The following ACSM1 variants were observed in gnomAD, a reference collection of about 807,000 sequenced individuals.
The protein encoded by ACSM1 is acyl-coenzyme A synthetase ACSM1, mitochondrial.
ACSM1 carries 79 observed loss-of-function variants against 75.8 expected under a neutral mutation model. The ratio of observed to expected loss-of-function variants is 1.04; its 90% CI spans 0.87 to 1.26. The LOEUF (loss-of-function observed/expected upper bound fraction) is 1.26. Among genes scored for constraint, ACSM1 ranks in the 50% most tolerant of loss-of-function variants. The pLI is 0.00. For missense variants in ACSM1, 676 were observed against 720.1 expected (o/e 0.94, Z 0.70); for synonymous variants, 279 against 265.8 (o/e 1.05, Z -0.48).
chr16:20,632,949 G>A (rs1004759584), intron 10 of ACSM1, among the ~76,000 whole-genome samples: 1 of 152,180 alleles, frequency 6.6e-6, no homozygotes, highest in Non-Finnish European at 1.5e-5. Flanking sequence ...AGTTGAGGCA[G>A]AGAAAGCACT....
At chr16:20,639,101 T>G (rs1008226350) in intron 8 of ACSM1, among the ~76,000 whole-genome samples, 3 of 152,188 alleles carry the variant, frequency 2.0e-5, no homozygotes, top group Admixed American at 6.5e-5. Context: ...ATCCTTTATG[T>G]GCTAGAGGGA....
chr16:20,683,646 C>T (rs1379862552), intron 3 of ACSM1, among the ~76,000 whole-genome samples: 2 of 136,868 alleles, frequency 1.5e-5, no homozygotes, highest in Non-Finnish European at 1.5e-5. Flanking sequence ...CAGCTCAAGT[C>T]TTTTTTTTTT....
At position 20,663,704 on chromosome 16, in the gene ACSM1, G is replaced by C. The variant is rs163272; in HGVS notation, c.913-1831C>G. 5.5e-3 allele frequency among the ~76,000 whole-genome samples: 835 copies of C among 152,288 alleles called. 6 individuals are homozygous for C. The highest frequency in any genetic ancestry group is 0.018 in the African/African-American group (746 of 41,554). On this transcript the variant is annotated intron_variant, in intron 6 of 13. Transcript: ENST00000520010. The stretch of plus-strand genomic sequence containing the variant: ...GGAAGCACATCTATAGAGAAAAGCA[G>C]AGGAGACACTGAAGCTGCCTTAATT...
rs35507753 is a variant in ACSM1, at chr16:20,693,169, CAA to C, written c.-51-1932_-51-1931del. 2.3e-3 allele frequency among the ~76,000 whole-genome samples: 263 copies of C among 114,490 alleles called. 1 individual carries two copies. Among genetic ancestry groups the C allele is most frequent in the African/African-American group, 7.3e-3 (221 of 30,300 alleles). 75.1% of individuals were successfully genotyped at this position (114,490 alleles called of 152,430 possible). ...TGGGCAACAGAGCAAAATTCCGTCTCAAAAAAAAAAAAAAAAATTCAGATCTT... is the reference window on the plus strand; with the variant it reads ...TGGGCAACAGAGCAAAATTCCGTCTCAAAAAAAAAAAAAAATTCAGATCTT... On this transcript the variant is annotated intron_variant, in intron 1 of 13. Coordinates refer to ENST00000520010, the MANE Select transcript of ACSM1 (RefSeq NM_001318890.3).
intron 10 of ACSM1, among the ~76,000 whole-genome samples, chr16:20,627,881 T>TATAC (rs2017073090): frequency 1.2e-4 from 1 of 8,124 alleles, no homozygotes; most frequent in Admixed American, 1.3e-3. Flanking sequence ...TATATATATA[T>TATAC]ATATATATAT....
At chr16:20,674,067 T>C (rs1282772927) in intron 4 of ACSM1, 2 of 442,932 alleles carry the variant, frequency 4.5e-6, no homozygotes, top group Non-Finnish European at 9.1e-6. Context: ...GCTGCTTGTC[T>C]CTCACCACTT....
At chr16:20,673,298 G>C (rs1325045882) in intron 4 of ACSM1, among the ~76,000 whole-genome samples, 1 of 151,810 alleles carries the variant, frequency 6.6e-6, no homozygotes, top group East Asian at 1.9e-4. Context: ...CAAAGCAACT[G>C]CAAATAATCC....
chr16:20,623,451 CT>C lies in ACSM1; in HGVS notation c.*34del. ...GAGACTAAAGTGGCCAGGGATTTGC[CT>C]TAGGTGTGCAGTGCGTTCTGAGTTC... On this transcript the variant is annotated 3_prime_UTR_variant, in exon 14 of 14. Coordinates refer to ENST00000520010, the MANE Select transcript of ACSM1 (RefSeq NM_001318890.3). 1 of 1,600,080 alleles carries C rather than the reference CT, an allele frequency of 6.2e-7. No individual in the cohort carries two copies.
In ACSM1 at chr16:20,685,323, C is replaced by A; in HGVS notation, c.273G>T (p.Met91Ile). 6.2e-7 allele frequency: 1 copy of A among 1,614,212 alleles called. No individual in the cohort carries two copies. Among genetic ancestry groups the A allele is most frequent in the Non-Finnish European group, 8.5e-7 (1 of 1,180,032 alleles). The change falls in exon 3 of 14, where the codon ATG becomes ATT. Residue 91 changes from methionine to isoleucine, a missense_variant. By Grantham distance (10) the Met-to-Ile change is conservative. Coordinates refer to ENST00000520010, the MANE Select transcript of ACSM1 (RefSeq NM_001318890.3). ...TGGCTACACGGCGGGTTAGGTCTCC[C>A]ATCTCTCTGAAGCTCCACTTTACTT... is the stretch of plus-strand genomic sequence containing the variant. ...GDEVKWSFRE[M>I]GDLTRRVANV...
intron 10 of ACSM1, among the ~76,000 whole-genome samples, chr16:20,628,535 T>TA (rs2017129967): frequency 6.6e-6 from 1 of 152,178 alleles, no homozygotes; most frequent in African/African-American, 2.4e-5. Flanking sequence ...ATACAGCATA[T>TA]AACTGTTTGG....
At chr16:20,671,440 GACACACACACACACACAC>G (rs55913255) in intron 5 of ACSM1, 73 bp downstream of exon 5, 616 of 970,244 alleles carry the variant, frequency 6.3e-4, no homozygotes, top group Admixed American at 1.1e-3. Context: ...CCTTTCCCAA[GACACACACACACACACAC>G]ACACACACAC....
intron 4 of ACSM1, among the ~76,000 whole-genome samples, chr16:20,672,878 AAT>A (rs1205632004): frequency 7.7e-5 from 10 of 130,562 alleles, no homozygotes; most frequent in African/African-American, 2.7e-4. Context: ...TATAAATATA[AAT>A]ATATATAATA....
chr16:20,694,367 A>G (rs1327932985), intron 1 of ACSM1, among the ~76,000 whole-genome samples: 1 of 152,240 alleles, frequency 6.6e-6, no homozygotes, highest in Non-Finnish European at 1.5e-5. Context: ...GGCCTTGCTG[A>G]GTAAATTAAA....
chr16:20,671,376 G>A (rs566062375), intron 5 of ACSM1, among the ~76,000 whole-genome samples, 155 bp downstream of exon 5: 1 of 151,404 alleles, frequency 6.6e-6, no homozygotes, highest in African/African-American at 2.4e-5. Context: ...TGAGAGGTCT[G>A]AACAAAAGAG....
intron 11 of ACSM1, 81 bp downstream of exon 11, chr16:20,627,108 C>A: frequency 2.1e-6 from 3 of 1,439,970 alleles, no homozygotes; most frequent in Non-Finnish European, 2.7e-6. Flanking sequence ...TTCACCAATG[C>A]GTGAAAAAAT....
chr16:20,630,450 G>A (rs1212441650), intron 10 of ACSM1, among the ~76,000 whole-genome samples: 1 of 152,084 alleles, frequency 6.6e-6, no homozygotes, highest in Non-Finnish European at 1.5e-5. Flanking sequence ...ATTAATAGAA[G>A]GGTCAATTCA....
chr16:20,629,523 G>A (rs1281205672), intron 10 of ACSM1, among the ~76,000 whole-genome samples: 1 of 152,172 alleles, frequency 6.6e-6, no homozygotes, highest in Non-Finnish European at 1.5e-5. Context: ...ATGAGGGCCA[G>A]AAAATATTAA....
chr16:20,670,030 A>C (rs765193876), intron 5 of ACSM1, 44 bp from the exon 6 acceptor site: 2 of 1,604,356 alleles, frequency 1.2e-6, no homozygotes, highest in South Asian at 2.2e-5. Flanking sequence ...ATCATGGCTG[A>C]TGTGATGAAG....
intron 1 of ACSM1, among the ~76,000 whole-genome samples, chr16:20,694,943 AC>A (rs1356979057): frequency 6.6e-6 from 1 of 152,128 alleles, no homozygotes; most frequent in Non-Finnish European, 1.5e-5. Flanking sequence ...AGAGAAAACC[AC>A]CCTGATCTTG....
Sources: allele counts gnomAD v4.1 joint callset (sites outside exome capture counted in the v4.1 genomes callset), GRCh38; gene constraint gnomAD v4.1.1; transcripts MANE v1.5; gene names NCBI Gene and HGNC (gene_info 2026-07-23, HGNC 2026-07-21).